The following PDHB variants were observed in gnomAD, a reference collection of about 807,000 sequenced individuals.
PDHB encodes the protein pyruvate dehydrogenase E1 subunit beta.
PDHB carries 17 observed loss-of-function variants against 42.8 expected under a neutral mutation model. That is an observed-to-expected ratio of 0.40 (90% confidence interval 0.27 to 0.60). PDHB has a LOEUF of 0.60. PDHB is among the 20% of genes least tolerant of loss of function. The pLI is 0.46. For synonymous variants in PDHB, 154 were observed against 148.7 expected, an observed-to-expected ratio of 1.04 and a Z score of -0.26; for missense variants, 322 against 451.3, an observed-to-expected ratio of 0.71 and a Z score of 2.60.
chr3:58,431,208 TTG>T lies in PDHB; in HGVS notation c.304-268_304-267del, dbSNP rs1210142756. 3 of 529,862 alleles carry T rather than the reference TTG, an allele frequency of 5.7e-6. No individual in the cohort carries two copies. The highest frequency in any genetic ancestry group is 1.9e-5 in the African/African-American group (1 of 52,418). 32.8% of individuals were successfully genotyped at this position (529,862 alleles called of 1,614,324 possible). ...GGCAAGCACCACCACATCTACCTAC[TTG>T]GTATTTTTTTTTTTTCCCAAATGAT... On this transcript the variant is annotated intron_variant, in intron 5 of 9. Transcript: ENST00000302746. The surrounding 1 kb of genome is among the most constrained non-coding windows in gnomAD (Gnocchi z 4.4).
At chr3:58,433,569 T>A in intron 2 of PDHB, 62 bp downstream of exon 2, 4 of 1,537,882 alleles carry the variant, frequency 2.6e-6, no homozygotes, top group Non-Finnish European at 3.5e-6. Context: ...GACTCCGGCC[T>A]CCTTCCCGAG....
At chr3:58,430,294 A>C in intron 6 of PDHB, 56 bp from the exon 7 acceptor site, 1 of 1,143,042 alleles carries the variant, frequency 8.7e-7, no homozygotes, top group Non-Finnish European at 1.3e-6. Flanking sequence ...AATGACTAAA[A>C]CTGCATAGAA....
Position 58,427,788 on chromosome 3 carries a change from T to C in PDHB, c.*246A>G. The stretch of plus-strand genomic sequence containing the variant: ...GTCCTTGTGGTGAGAGAGGATAAAA[T>C]GTTATATAATTTGTTATTCAAAGAA... On this transcript the variant is annotated 3_prime_UTR_variant, in exon 10 of 10. Coordinates refer to ENST00000302746, the MANE Select transcript of PDHB (RefSeq NM_000925.4). The C allele has an allele frequency of 1.8e-6, 1 of 561,812 alleles. No homozygotes were observed. Among genetic ancestry groups the C allele is most frequent in the Non-Finnish European group, 3.4e-6 (1 of 298,448 alleles). 34.8% of individuals were successfully genotyped at this position (561,812 alleles called of 1,614,324 possible).
At chr3:58,428,820 C>T (rs2062895542) in intron 8 of PDHB, 1 of 593,850 alleles carries the variant, frequency 1.7e-6, no homozygotes, top group Admixed American at 3.0e-5. Context: ...CCACAAGCAG[C>T]TCTGTGCAGT....
chr3:58,430,678 C>T lies in PDHB; in HGVS notation c.568G>A (p.Ala190Thr), dbSNP rs1168806673. ...TGACCTGGATTGTTATCCCGAATGG[C>T]TGATTTAATAAGTCCTTTAGCATCC... ...SEDAKGLIKSAIRDNNPVVVL... is the reference protein window; with the variant it reads ...SEDAKGLIKSTIRDNNPVVVL... The change falls in exon 6 of 10, where the codon GCC becomes ACC. Residue 190 changes from alanine (A) to threonine (T), a missense_variant. By Grantham distance (58) the Ala-to-Thr change is moderately conservative. Coordinates refer to ENST00000302746, the MANE Select transcript of PDHB (RefSeq NM_000925.4). 1 of 1,613,736 alleles carries T rather than the reference C, an allele frequency of 6.2e-7. No homozygotes were observed. The highest frequency in any genetic ancestry group is 8.5e-7 in the Non-Finnish European group (1 of 1,180,020).
rs2062892989 is a variant in PDHB, at chr3:58,428,527, C to G, written c.880G>C (p.Gly294Arg). Residue 294 changes from glycine to arginine, a missense_variant, in exon 9 of 10, where the codon GGA (glycine) becomes CGA (arginine). Gly to Arg is a moderately radical substitution (Grantham distance 125). This residue lies in a region of PDHB where 208 missense variants were observed against 285.0 expected (regional missense o/e 0.73). Coordinates refer to ENST00000302746, the MANE Select transcript of PDHB (RefSeq NM_000925.4). ...CCTACTCCAAACTGTGGCCAGCCTC[C>G]TTCCACAGTTACAAGATGATTTGTC... ...MKTNHLVTVE[G>R]GWPQFGVGAE... is the part of the protein sequence containing the mutation. 2.5e-6 allele frequency: 4 copies of G among 1,613,994 alleles called. No homozygotes were observed. The highest frequency in any genetic ancestry group is 3.4e-6 in the Non-Finnish European group (4 of 1,179,836).
At chr3:58,428,863 AT>A in intron 8 of PDHB, 1 of 496,420 alleles carries the variant, frequency 2.0e-6, no homozygotes, top group Non-Finnish European at 3.6e-6. Context: ...TCACTTTTTT[AT>A]TTCTTTTGGG....
chr3:58,431,685 C>T lies in PDHB; in HGVS notation c.267+46G>A, dbSNP rs965538282. On this transcript the variant is annotated intron_variant, in intron 4 of 9. Coordinates refer to ENST00000302746, the MANE Select transcript of PDHB (RefSeq NM_000925.4). The surrounding 1 kb of genome is among the most constrained non-coding windows in gnomAD (Gnocchi z 4.4). ...TCCATAAAAATGAGGATAATGGACACTAACAGACATGCCCTCCAGGGTCTG... is the reference window on the plus strand; with the variant it reads ...TCCATAAAAATGAGGATAATGGACATTAACAGACATGCCCTCCAGGGTCTG... 1 of 1,597,344 alleles carries T rather than the reference C, an allele frequency of 6.3e-7. No individual in the cohort carries two copies. The highest frequency in any genetic ancestry group is 8.6e-7 in the Non-Finnish European group (1 of 1,164,780).
chr3:58,428,891 G>C (rs955194844), intron 8 of PDHB: 3 of 426,470 alleles, frequency 7.0e-6, no homozygotes, highest in Non-Finnish European at 1.3e-5. Context: ...TTTTGCTCTT[G>C]TTGTCCAGGC....
At position 58,429,690 on chromosome 3, in the gene PDHB, A is replaced by G. The variant is rs769394650; in HGVS notation, c.792+18T>C. On this transcript the variant is annotated intron_variant, in intron 8 of 9. Transcript: ENST00000302746. ...GGAGCCCTTCTAATTCTTTAAGAAC[A>G]AGTAAATGTCCACTCACCTCACATT... 8.1e-6 allele frequency: 12 copies of G among 1,480,950 alleles called. No individual in the cohort carries two copies. Among genetic ancestry groups the G allele is most frequent in the African/African-American group, 1.4e-5 (1 of 72,280 alleles). 91.7% of individuals were successfully genotyped at this position (1,480,950 alleles called of 1,614,324 possible). A position where few individuals can be genotyped will look rare whatever the true frequency, so the allele number is the denominator to read the frequency against.
rs1328382628 is a variant in PDHB, at chr3:58,428,602, G to A, written c.805C>T (p.Arg269Cys). 13 of 1,612,132 alleles carry A rather than the reference G, an allele frequency of 8.1e-6. No homozygotes were observed. The highest frequency in any genetic ancestry group is 1.7e-5 in the Admixed American group (1 of 60,028). Reference protein sequence around the residue: ...EGVECEVINMRTIRPMDMETI... With the variant: ...EGVECEVINMCTIRPMDMETI... ...TCCATGTCCATTGGTCTAATGGTAC[G>A]CATATTTATCACCTAAACAGGTAAT... The change falls in exon 9 of 10, where the codon CGT becomes TGT. Residue 269 changes from arginine (R) to cysteine (C), a missense_variant. Arg to Cys is a radical substitution (Grantham distance 180). Around this residue, in one of 3 missense-constraint regions of PDHB, gnomAD observed 208 missense variants for 285.0 expected, o/e 0.73. Coordinates refer to ENST00000302746, the MANE Select transcript of PDHB (RefSeq NM_000925.4).
In PDHB at chr3:58,430,887, A is replaced by G; in HGVS notation, c.359T>C (p.Ile120Thr). 2 of 1,614,204 alleles carry G rather than the reference A, an allele frequency of 1.2e-6. No individual in the cohort carries two copies. The highest frequency in any genetic ancestry group is 1.7e-6 in the Non-Finnish European group (2 of 1,180,024). ...GGCAGCTGAGTTTATAACCTGGTCA[A>G]TGGCTTGCATGGAGAAATTGAAGGT... ...FMTFNFSMQA[I>T]DQVINSAAKT... The change falls in exon 6 of 10, where the codon ATT becomes ACT. Residue 120 changes from isoleucine (I) to threonine (T), a missense_variant. Ile to Thr is a moderately conservative substitution (Grantham distance 89). This residue lies in a region of PDHB where 56 missense variants were observed against 124.2 expected (regional missense o/e 0.45). Coordinates refer to ENST00000302746, the MANE Select transcript of PDHB (RefSeq NM_000925.4).
rs749094591 is a variant in PDHB, at chr3:58,428,041, T to C, written c.1073A>G (p.Asn358Ser). The change falls in exon 10 of 10, where the codon AAT becomes AGT. Residue 358 changes from asparagine to serine, a missense_variant. Around this residue, in one of 3 missense-constraint regions of PDHB, gnomAD observed 208 missense variants for 285.0 expected, o/e 0.73. Transcript: ENST00000302746. Reference protein sequence around the residue: ...DIIFAIKKTLNI With the variant: ...DIIFAIKKTLSI ...TTGATATTCAAGTCCAAACTAAATA[T>C]TTAATGTTTTCTTTATTGCAAATAT... The C allele has an allele frequency of 6.2e-7, 1 of 1,605,442 alleles. No homozygotes were observed. The highest frequency in any genetic ancestry group is 8.5e-7 in the Non-Finnish European group (1 of 1,172,104).
rs375533042 is a variant in PDHB at position 58,431,286 on chromosome 3, C to T, written c.303+307G>A. 70 of 464,514 alleles carry T rather than the reference C, an allele frequency of 1.5e-4. No individual in the cohort carries two copies. Among genetic ancestry groups the T allele is most frequent in the South Asian group, 6.6e-4 (30 of 45,654 alleles). 28.8% of individuals were successfully genotyped at this position (464,514 alleles called of 1,614,324 possible). A position where few individuals can be genotyped will look rare whatever the true frequency, so the allele number is the denominator to read the frequency against. On this transcript the variant is annotated intron_variant, in intron 5 of 9. Transcript: ENST00000302746. The surrounding 1 kb of genome is among the most constrained non-coding windows in gnomAD (Gnocchi z 4.4). The stretch of plus-strand genomic sequence containing the variant: ...CTTTGGGGATGGGCACAGTGGCTCA[C>T]GCCTGTAATCCCAGCACTTTGGGAG...
chr3:58,430,350 C>A, intron 6 of PDHB, 112 bp from the exon 7 acceptor site: 1 of 775,662 alleles, frequency 1.3e-6, no homozygotes, highest in Admixed American at 2.3e-5. Context: ...GCTGATTAGC[C>A]TTATCTCTAC....
chr3:58,433,473 G>A, intron 2 of PDHB, 158 bp downstream of exon 2: 1 of 764,396 alleles, frequency 1.3e-6, no homozygotes. Context: ...ATTGCCAGGC[G>A]GCGACAGAGG....
At position 58,433,620 on chromosome 3, in the gene PDHB, G is replaced by A. The variant is rs754446937; in HGVS notation, c.96+11C>T. 9.9e-6 allele frequency: 16 copies of A among 1,608,096 alleles called. No individual in the cohort carries two copies. In the Admixed American group the frequency reaches 2.5e-4, roughly 25 times the overall value. ...CCCCGCCCTCGTCCGACGAGCACCC[G>A]CGCCTGTTACCTGCAGCGCAGCCGG... On this transcript the variant is annotated intron_variant, in intron 2 of 9. Transcript: ENST00000302746.
Position 58,431,967 on chromosome 3 carries a change from A to G in PDHB, c.114T>C (p.Ala38=), listed in dbSNP as rs2062924545. 1 of 1,613,076 alleles carries G rather than the reference A, an allele frequency of 6.2e-7. No individual in the cohort carries two copies. Among genetic ancestry groups the G allele is most frequent in the East Asian group, 2.2e-5 (1 of 44,876 alleles). ...PAALQVTVRD[A]INQGMDEELE... is the part of the protein sequence containing the mutation. ...GCTCCTCATCCATACCCTGATTTATAGCATCACGAACTGTCACCTGTCACA... is the reference window on the plus strand; with the variant it reads ...GCTCCTCATCCATACCCTGATTTATGGCATCACGAACTGTCACCTGTCACA... Residue 38 remains alanine, a synonymous_variant, in exon 3 of 10, where the codon GCT becomes GCC. Transcript: ENST00000302746. The surrounding 1 kb of genome is among the most constrained non-coding windows in gnomAD (Gnocchi z 4.4).
In PDHB at chr3:58,427,739, A is replaced by C. The variant is rs947611909; in HGVS notation, c.*295T>G. 31 of 502,022 alleles carry C rather than the reference A, an allele frequency of 6.2e-5. No individual in the cohort carries two copies. Among genetic ancestry groups the C allele is most frequent in the Admixed American group, 4.1e-4 (18 of 43,960 alleles). 31.1% of individuals were successfully genotyped at this position (502,022 alleles called of 1,614,324 possible). A position where few individuals can be genotyped will look rare whatever the true frequency, so the allele number is the denominator to read the frequency against. The stretch of plus-strand genomic sequence containing the variant: ...ATCTTGTTTGGATACATCTTTCATG[A>C]GGACTCTGCCACATCCATACTTTGT... On this transcript the variant is annotated 3_prime_UTR_variant, in exon 10 of 10. Coordinates refer to ENST00000302746, the MANE Select transcript of PDHB (RefSeq NM_000925.4).
Sources: allele counts gnomAD v4.1 joint callset, GRCh38; gene constraint gnomAD v4.1.1; regional missense constraint gnomAD v4.1.1; non-coding constraint Gnocchi (gnomAD v3.1); transcripts MANE v1.5; gene names NCBI Gene and HGNC (gene_info 2026-07-23, HGNC 2026-07-21).